Variants in PDE7B observed in about 807,000 individuals in gnomAD.
The protein encoded by PDE7B is 3',5'-cyclic-AMP phosphodiesterase 7B.
Under a neutral mutation model 56.2 loss-of-function variants are expected in PDE7B, and 29 were observed. The ratio of observed to expected loss-of-function variants is 0.52; its 90% confidence interval spans 0.38 to 0.70. PDE7B has a LOEUF of 0.70. PDE7B is among the 30% of genes least tolerant of loss of function. The pLI, the probability that PDE7B is intolerant of heterozygous loss-of-function variation, is 0.00. For missense variants in PDE7B, 490 were observed against 565.0 expected (o/e 0.87, Z 1.35); for synonymous variants, 197 against 196.9 (o/e 1.00, Z 0.00).
chr6:135,885,354 C>T (rs148717131), intron 1 of PDE7B, among the ~76,000 whole-genome samples: 1 of 150,518 alleles, frequency 6.6e-6, no homozygotes, highest in Admixed American at 6.6e-5. Flanking sequence ...ATCTCACTGC[C>T]ACTACCGTGG....
intron 2 of PDE7B, among the ~76,000 whole-genome samples, chr6:136,005,520 C>A (rs1032492247): frequency 2.0e-5 from 3 of 152,182 alleles, no homozygotes; most frequent in Non-Finnish European, 4.4e-5. Flanking sequence ...AAAAGACAAA[C>A]AACCCCATTG....
intron 2 of PDE7B, among the ~76,000 whole-genome samples, chr6:136,087,160 G>A (rs1297144829): frequency 1.3e-5 from 2 of 152,124 alleles, no homozygotes; most frequent in Non-Finnish European, 2.9e-5. Context: ...ATAATTTTAT[G>A]GTTTAATTGT....
At chr6:135,856,790 C>T (rs1196284301) in intron 1 of PDE7B, among the ~76,000 whole-genome samples, 1 of 152,166 alleles carries the variant, frequency 6.6e-6, no homozygotes, top group South Asian at 2.1e-4. Flanking sequence ...ATATATAATT[C>T]TTGATACTAC....
chr6:136,156,028 T>C, intron 8 of PDE7B: 1 of 521,846 alleles, frequency 1.9e-6, no homozygotes, highest in Non-Finnish European at 3.7e-6. Context: ...AAAGAGTAAA[T>C]ACTTGTGCTG....
At chr6:135,967,806 A>G (rs4896189) in intron 2 of PDE7B, among the ~76,000 whole-genome samples, 45,078 of 152,126 alleles carry the variant, frequency 0.3, 8,207 homozygotes, top group Admixed American at 0.48. Context: ...AGAAGACTAA[A>G]GAGGTCATGG....
At position 136,009,169 on chromosome 6, in the gene PDE7B, G is replaced by A. The variant is rs1000514567; in HGVS notation, c.82+61645G>A. Among the ~76,000 whole-genome samples the A allele has an allele frequency of 3.9e-5, 6 of 151,922 alleles. No individual in the cohort carries two copies. In the East Asian group the frequency reaches 5.8e-4, roughly 15 times the overall value. ...TAGATATGTGGCATTATTTCTGAGGGCTCTGTTCTGTTCCATTGGTCTATA... is the reference window on the plus strand; with the variant it reads ...TAGATATGTGGCATTATTTCTGAGGACTCTGTTCTGTTCCATTGGTCTATA... On this transcript the variant is annotated intron_variant, in intron 2 of 12. Transcript: ENST00000308191.
chr6:136,043,789 T>C (rs1386723108), intron 2 of PDE7B: 1 of 152,144 alleles, frequency 6.6e-6, no homozygotes, highest in African/African-American at 2.4e-5. Context: ...TCTCTATCCA[T>C]TGTCATTCTA....
At chr6:135,994,116 C>CTG (rs3220309) in intron 2 of PDE7B, among the ~76,000 whole-genome samples, 6,931 of 138,590 alleles carry the variant, frequency 0.05, 226 homozygotes, top group African/African-American at 0.089. Flanking sequence ...TGTATTGGAT[C>CTG]TGTGTGTGTG....
In PDE7B at chr6:136,127,567, T is replaced by C. The variant is rs374188239; in HGVS notation, c.166+18753T>C. Among the ~76,000 whole-genome samples, 5 of 152,218 alleles carry C rather than the reference T, an allele frequency of 3.3e-5. No homozygotes were observed. In the East Asian group the frequency reaches 7.7e-4, roughly 23 times the overall value. ...GGCTTGTTATTAACCACAAAGTTTC[T>C]CTTTTGGCTTAAAGTTGGTAAAAAT... On this transcript the variant is annotated intron_variant, in intron 3 of 12. Transcript: ENST00000308191.
intron 5 of PDE7B, 145 bp downstream of exon 5, chr6:136,149,295 C>G (rs780158859): frequency 1.6e-6 from 1 of 634,460 alleles, no homozygotes; most frequent in Non-Finnish European, 2.8e-6. Context: ...GAAGAAGGAC[C>G]GGGGTAAGGG....
chr6:135,924,456 C>T (rs1223671438), intron 1 of PDE7B, among the ~76,000 whole-genome samples: 1 of 152,026 alleles, frequency 6.6e-6, no homozygotes, highest in Non-Finnish European at 1.5e-5. Flanking sequence ...AGTCTGAGAG[C>T]CTGAAAAGCA....
chr6:135,959,719 T>A (rs188265365), intron 2 of PDE7B, among the ~76,000 whole-genome samples: 16 of 152,172 alleles, frequency 1.1e-4, no homozygotes, highest in African/African-American at 3.9e-4. Context: ...ACTATGATCA[T>A]GTTTTGTATA....
At chr6:135,939,776 T>G (rs983611808) in intron 1 of PDE7B, among the ~76,000 whole-genome samples, 2 of 152,156 alleles carry the variant, frequency 1.3e-5, no homozygotes, top group African/African-American at 4.8e-5. Context: ...GCTGGGGGGA[T>G]TCTTTTGGTC....
intron 12 of PDE7B, among the ~76,000 whole-genome samples, chr6:136,189,492 G>A (rs1302771645): frequency 1.3e-5 from 2 of 152,162 alleles, no homozygotes; most frequent in African/African-American, 2.4e-5. Context: ...GATCACCTGA[G>A]CCCAAGGGGT....
chr6:135,885,104 T>A lies in PDE7B; in HGVS notation c.21+33085T>A, dbSNP rs144308144. ...ACCCTCCACTCTCCTGGTTTTCTAGTTCTGCCATCATATTTCTATTCTTCT... is the reference window on the plus strand; with the variant it reads ...ACCCTCCACTCTCCTGGTTTTCTAGATCTGCCATCATATTTCTATTCTTCT... On this transcript the variant is annotated intron_variant, in intron 1 of 12. Coordinates refer to ENST00000308191, the MANE Select transcript of PDE7B (RefSeq NM_018945.4). Among the ~76,000 whole-genome samples, 494 of 152,224 alleles carry A rather than the reference T, an allele frequency of 3.2e-3. 7 individuals are homozygous for A. The highest frequency in any genetic ancestry group is 9.3e-3 in the African/African-American group (388 of 41,534).
chr6:136,171,105 A>C (rs1227345043), intron 8 of PDE7B, among the ~76,000 whole-genome samples: 1 of 152,202 alleles, frequency 6.6e-6, no homozygotes, highest in African/African-American at 2.4e-5. Context: ...GTACAGACAT[A>C]ATGTTTCCTA....
At chr6:135,988,320 T>C (rs937490130) in intron 2 of PDE7B, among the ~76,000 whole-genome samples, 1 of 152,078 alleles carries the variant, frequency 6.6e-6, no homozygotes, top group African/African-American at 2.4e-5. Flanking sequence ...AAATAGAAGG[T>C]AGAACTTCCC....
chr6:135,872,510 A>G (rs1318737306), intron 1 of PDE7B, among the ~76,000 whole-genome samples: 1 of 152,218 alleles, frequency 6.6e-6, no homozygotes, highest in Non-Finnish European at 1.5e-5. Context: ...CAGTATGTCA[A>G]ATGCAAGTGT....
intron 3 of PDE7B, among the ~76,000 whole-genome samples, chr6:136,134,425 C>T (rs920607038): frequency 6.6e-6 from 1 of 152,038 alleles, no homozygotes; most frequent in African/African-American, 2.4e-5. Context: ...AAACCGTTGC[C>T]CTCAAAACTC....
Sources: gnomAD v4.1 joint callset for allele counts (sites outside exome capture counted in the v4.1 genomes callset) on GRCh38, gnomAD v4.1.1 for gene constraint, MANE v1.5 for transcripts, NCBI Gene and HGNC (gene_info 2026-07-23, HGNC 2026-07-21) for gene names.